Variants in BABAM2 observed in about 807,000 individuals in gnomAD.
BABAM2 encodes the protein BRISC and BRCA1-A complex member 2.
Under a neutral mutation model 54.7 loss-of-function variants are expected in BABAM2, and 31 were observed. That is an observed-to-expected ratio of 0.57 (90% CI 0.43 to 0.77). The LOEUF is 0.77. BABAM2 is among the 30% of genes least tolerant of loss of function. The pLI is 0.00. For missense variants in BABAM2, 364 were observed against 455.8 expected (o/e 0.80, Z 1.83); for synonymous variants, 167 against 162.9 (o/e 1.03, Z -0.19).
intron 7 of BABAM2, among the ~76,000 whole-genome samples, chr2:28,139,911 T>C (rs1267728304): frequency 1.3e-5 from 2 of 152,206 alleles, no homozygotes; most frequent in African/African-American, 4.8e-5. Context: ...TTTTCCCCAC[T>C]TCAGTCTAGT....
At chr2:28,114,016 G>A (rs577449731) in intron 6 of BABAM2, among the ~76,000 whole-genome samples, 1 of 152,226 alleles carries the variant, frequency 6.6e-6, no homozygotes, top group South Asian at 2.1e-4. Flanking sequence ...TTGATGGAAT[G>A]TATCTCAAAA....
At chr2:27,974,384 T>C (rs1671442943) in intron 3 of BABAM2, among the ~76,000 whole-genome samples, 1 of 152,170 alleles carries the variant, frequency 6.6e-6, no homozygotes, top group Non-Finnish European at 1.5e-5. Context: ...TCTATGTATG[T>C]ATACAAGTAA....
At chr2:28,163,882 C>G (rs893114392) in intron 7 of BABAM2, among the ~76,000 whole-genome samples, 3 of 152,192 alleles carry the variant, frequency 2.0e-5, no homozygotes, top group Non-Finnish European at 4.4e-5. Flanking sequence ...AGGGCACTGC[C>G]CATTGCACAT....
intron 7 of BABAM2, among the ~76,000 whole-genome samples, chr2:28,236,275 G>T (rs562820996): frequency 6.6e-6 from 1 of 152,124 alleles, no homozygotes; most frequent in Admixed American, 6.5e-5. Context: ...TGAAATGTAC[G>T]CCTTAAAGTT....
At chr2:28,045,869 G>A (rs1677517079) in intron 6 of BABAM2, 70 bp downstream of exon 6, 1 of 1,193,790 alleles carries the variant, frequency 8.4e-7, no homozygotes, top group Non-Finnish European at 1.2e-6. Context: ...CTCAATATTT[G>A]TATGACTGGT....
intron 6 of BABAM2, among the ~76,000 whole-genome samples, chr2:28,061,493 G>C (rs1159841469): frequency 3.3e-5 from 5 of 150,110 alleles, no homozygotes; most frequent in African/African-American, 1.2e-4. Context: ...GCTGAGGCAG[G>C]AGAATGACGT....
intron 5 of BABAM2, among the ~76,000 whole-genome samples, chr2:28,028,818 G>C (rs563594722): frequency 7.3e-4 from 111 of 152,172 alleles, no homozygotes; most frequent in African/African-American, 2.5e-3. Flanking sequence ...CCAGGCTGGA[G>C]TGCAGTGGCG....
In BABAM2 at chr2:28,042,072, C is replaced by T. The variant is rs540919540; in HGVS notation, c.496-3653C>T. Among the ~76,000 whole-genome samples, 23 of 152,152 alleles carry T rather than the reference C, an allele frequency of 1.5e-4. No individual in the cohort carries two copies. The South Asian group carries it at 4.4e-3, about 29-fold the overall frequency. The stretch of plus-strand genomic sequence containing the variant: ...GAAGGGAGAGTTAACAAGATTTTGC[C>T]GCCACTTTGAATGTGAGGTGAGAGG... On this transcript the variant is annotated intron_variant, in intron 5 of 11. Transcript: ENST00000379624.
chr2:28,059,944 G>T (rs775245911), intron 6 of BABAM2, among the ~76,000 whole-genome samples: 4 of 152,162 alleles, frequency 2.6e-5, no homozygotes, highest in Non-Finnish European at 4.4e-5. Flanking sequence ...GGAAGAAATA[G>T]TATAGAAAAT....
At chr2:28,308,531 C>T (rs1444504646) in intron 11 of BABAM2, 1 of 514,950 alleles carries the variant, frequency 1.9e-6, no homozygotes, top group Non-Finnish European at 3.8e-6. Flanking sequence ...TGGCCAAAGC[C>T]AACACCCTGA....
chr2:28,161,549 T>G (rs972432788), intron 7 of BABAM2, among the ~76,000 whole-genome samples: 2 of 152,162 alleles, frequency 1.3e-5, no homozygotes, highest in African/African-American at 4.8e-5. Flanking sequence ...CCTTTTATTC[T>G]GGAGCTACTT....
intron 6 of BABAM2, among the ~76,000 whole-genome samples, chr2:28,059,959 G>C (rs1678730448): frequency 6.6e-6 from 1 of 152,078 alleles, no homozygotes; most frequent in Admixed American, 6.5e-5. Flanking sequence ...GAAAATCTTT[G>C]GGAAAATTGA....
chr2:27,952,972 A>G (rs1360702031), intron 3 of BABAM2, among the ~76,000 whole-genome samples: 6 of 152,118 alleles, frequency 3.9e-5, no homozygotes, highest in African/African-American at 7.2e-5. Context: ...AGCCAGTTCT[A>G]TATTGGCACG....
At chr2:27,947,928 C>G (rs1669419293) in intron 3 of BABAM2, among the ~76,000 whole-genome samples, 1 of 152,096 alleles carries the variant, frequency 6.6e-6, no homozygotes, top group African/African-American at 2.4e-5. Flanking sequence ...TCTTAACTTT[C>G]TAGTCTGTCC....
At chr2:27,968,367 G>A (rs1207437027) in intron 3 of BABAM2, among the ~76,000 whole-genome samples, 2 of 152,248 alleles carry the variant, frequency 1.3e-5, no homozygotes, top group Non-Finnish European at 2.9e-5. Context: ...GTGCACAGAA[G>A]TCAAGAATTG....
At chr2:28,072,386 G>A (rs1179519270) in intron 6 of BABAM2, among the ~76,000 whole-genome samples, 1 of 149,856 alleles carries the variant, frequency 6.7e-6, no homozygotes, top group Non-Finnish European at 1.5e-5. Context: ...TTGGCAGCCT[G>A]GATTCTTTTT....
At chr2:28,290,474 G>A (rs1340689855) in intron 10 of BABAM2, among the ~76,000 whole-genome samples, 3 of 152,174 alleles carry the variant, frequency 2.0e-5, no homozygotes, top group African/African-American at 7.2e-5. Context: ...GTATTTTCCA[G>A]TTTTAAAATG....
At chr2:27,931,684 AGTACCTG>A (rs1486837861) in intron 3 of BABAM2, among the ~76,000 whole-genome samples, 1 of 152,132 alleles carries the variant, frequency 6.6e-6, no homozygotes, top group Admixed American at 6.5e-5. Flanking sequence ...ATTCTTAGTA[AGTACCTG>A]GTACCTGGTA....
chr2:27,926,681 T>A (rs1428444732), intron 2 of BABAM2, among the ~76,000 whole-genome samples: 1 of 152,230 alleles, frequency 6.6e-6, no homozygotes, highest in African/African-American at 2.4e-5. Flanking sequence ...ACGGTAGATC[T>A]TCTCTGTCTC....
Sources: gnomAD v4.1 joint callset for allele counts (sites outside exome capture counted in the v4.1 genomes callset) on GRCh38, gnomAD v4.1.1 for gene constraint, MANE v1.5 for transcripts, NCBI Gene and HGNC (gene_info 2026-07-23, HGNC 2026-07-21) for gene names.